HDGFL2: variants seen among roughly 807,000 people sequenced by gnomAD.
The protein encoded by HDGFL2 is hepatoma-derived growth factor-related protein 2.
In HDGFL2, 36 loss-of-function variants were observed where a neutral mutation model predicts 77.1. The observed-to-expected ratio is 0.47, with a 90% CI of 0.36 to 0.62. The LOEUF is 0.62. HDGFL2 is among the 20% of genes least tolerant of loss of function. The pLI is 0.00. For synonymous variants in HDGFL2, 463 were observed against 413.1 expected (o/e 1.12, Z -1.46); for missense variants, 976 against 973.4 (o/e 1.00, Z -0.04).
chr19:4,489,378 C>T (rs1599713075), intron 4 of HDGFL2, among the ~76,000 whole-genome samples: 1 of 151,850 alleles, frequency 6.6e-6, no homozygotes, highest in African/African-American at 2.4e-5. Context: ...TGAGCCTCCC[C>T]AGTAGCTGGG....
Position 4,501,189 on chromosome 19 carries a change from A to G in HDGFL2, c.1790-2A>G. The stretch of plus-strand genomic sequence containing the variant: ...GTCCTGTGACCCCTCTGTCCCACCC[A>G]GATCTCTCAGCCCCAGTGAATGGCG... On this transcript the variant is annotated splice_acceptor_variant, in intron 14 of 15. Transcript: ENST00000616600. LOFTEE classifies it high-confidence loss of function. 6.2e-7 allele frequency: 1 copy of G among 1,613,246 alleles called. No individual in the cohort carries two copies. Among genetic ancestry groups the G allele is most frequent in the East Asian group, 2.2e-5 (1 of 44,868 alleles).
In HDGFL2 at chr19:4,496,367, G is replaced by A. The variant is rs377700367; in HGVS notation, c.1290G>A (p.Lys430=). Residue 430 remains lysine (K), a synonymous_variant, in exon 10 of 16, where the codon AAG becomes AAA. Transcript: ENST00000616600. ...STEPARKPGQ[K]EKRVRPEEKQ... is the part of the protein sequence containing the mutation. ...AGCCCGCCAGGAAACCTGGCCAGAA[G>A]GAGAAGAGAGTGCGGCCCGAGGAGA... 1.9e-6 allele frequency: 3 copies of A among 1,613,918 alleles called. No homozygotes were observed. The highest frequency in any genetic ancestry group is 2.7e-5 in the African/African-American group (2 of 74,940).
intron 4 of HDGFL2, among the ~76,000 whole-genome samples, 198 bp downstream of exon 4, chr19:4,489,074 C>G (rs1975439859): frequency 1.3e-5 from 2 of 151,696 alleles, no homozygotes; most frequent in Non-Finnish European, 2.9e-5. Flanking sequence ...CTGCCTCAGC[C>G]TCCCTAGTAG....
At chr19:4,483,440 C>T (rs1319124956) in intron 3 of HDGFL2, among the ~76,000 whole-genome samples, 1 of 152,208 alleles carries the variant, frequency 6.6e-6, no homozygotes, top group Non-Finnish European at 1.5e-5. Context: ...CCTCCTGGCC[C>T]CCCCTCTTGA....
At position 4,494,161 on chromosome 19, in the gene HDGFL2, T is replaced by A; in HGVS notation, c.915-5T>A. On this transcript the variant is annotated splice_polypyrimidine_tract_variant and splice_region_variant and intron_variant, in intron 8 of 15. Transcript: ENST00000616600. ...GAGGTCCCCAACCGCCCCCTCCGCCTCCAGTGACAGCGACGAGGTGGACCG... is the reference window on the plus strand; with the variant it reads ...GAGGTCCCCAACCGCCCCCTCCGCCACCAGTGACAGCGACGAGGTGGACCG... The A allele has an allele frequency of 6.7e-7, 1 of 1,491,826 alleles. No individual in the cohort carries two copies. Among genetic ancestry groups the A allele is most frequent in the South Asian group, 1.3e-5 (1 of 75,350 alleles). 92.4% of individuals were successfully genotyped at this position (1,491,826 alleles called of 1,614,324 possible).
At chr19:4,491,901 T>G in intron 6 of HDGFL2, 66 bp downstream of exon 6, 1 of 1,419,622 alleles carries the variant, frequency 7.0e-7, no homozygotes, top group Non-Finnish European at 9.9e-7. Context: ...TCCAGTGCTG[T>G]CCCCAGGGCA....
In HDGFL2 at chr19:4,494,066, T is replaced by C. The variant is rs780332474; in HGVS notation, c.914+9T>C. 6.3e-7 allele frequency: 1 copy of C among 1,594,718 alleles called. No homozygotes were observed. The highest frequency in any genetic ancestry group is 1.7e-5 in the Admixed American group (1 of 57,670). Reference sequence around the variant, plus strand: ...AGCTCCAGCAGTGACAGGTGGGTGCTGGGGCTGGGGTCCCCTCTGGCGGCT... The same window carrying C: ...AGCTCCAGCAGTGACAGGTGGGTGCCGGGGCTGGGGTCCCCTCTGGCGGCT... On this transcript the variant is annotated intron_variant, in intron 8 of 15. Coordinates refer to ENST00000616600, the MANE Select transcript of HDGFL2 (RefSeq NM_001001520.3).
At chr19:4,492,057 G>A (rs1568212352) in intron 6 of HDGFL2, among the ~76,000 whole-genome samples, 1 of 152,188 alleles carries the variant, frequency 6.6e-6, no homozygotes, top group Admixed American at 6.5e-5. Flanking sequence ...TGGGATGCTG[G>A]CATCAGAAGG....
intron 12 of HDGFL2, among the ~76,000 whole-genome samples, 194 bp from the exon 13 acceptor site, chr19:4,498,620 A>G (rs1975772019): frequency 2.0e-5 from 3 of 151,854 alleles, no homozygotes; most frequent in Admixed American, 2.0e-4. Context: ...ACCAACCCCC[A>G]CGTACCTGGG....
chr19:4,492,952 G>A (rs1568213024), intron 6 of HDGFL2, among the ~76,000 whole-genome samples: 1 of 129,810 alleles, frequency 7.7e-6, no homozygotes, highest in Non-Finnish European at 1.7e-5. Flanking sequence ...TGTGTGTGGT[G>A]CGTGTGAGTT....
chr19:4,488,795 C>T lies in HDGFL2; in HGVS notation c.408C>T (p.Ala136=). 6.4e-7 allele frequency: 1 copy of T among 1,551,960 alleles called. No individual in the cohort carries two copies. Among genetic ancestry groups the T allele is most frequent in the Non-Finnish European group, 8.7e-7 (1 of 1,147,218 alleles). The change falls in exon 4 of 16, where the codon GCC becomes GCT. Residue 136 remains alanine (A), a synonymous_variant. Transcript: ENST00000616600. ...TCACAGCGGTAACCGCCACAGCTGC[C>T]AGCGACAGGATGGAGAGCGACTCAG... ...MAVTAVTATA[A]SDRMESDSDS...
rs778099119 is a variant in HDGFL2 at position 4,493,807 on chromosome 19, C to G, written c.783C>G (p.Ser261=). The G allele has an allele frequency of 5.8e-6, 9 of 1,540,670 alleles. No homozygotes were observed. The South Asian group carries it at 8.4e-5, about 14-fold the overall frequency. The change falls in exon 7 of 16, where the codon TCC becomes TCG. Residue 261 remains serine, a synonymous_variant. Coordinates refer to ENST00000616600, the MANE Select transcript of HDGFL2 (RefSeq NM_001001520.3). ...ARSASSSSSS[S]SSSDSDVSVK... is the part of the protein sequence containing the mutation. ...CGGCGTCCTCCTCCTCCTCTTCCTCCTCCTCCTCCGACTCCGATGTGTCTG... is the reference window on the plus strand; with the variant it reads ...CGGCGTCCTCCTCCTCCTCTTCCTCGTCCTCCTCCGACTCCGATGTGTCTG...
At chr19:4,496,445 C>T (rs530706760) in intron 10 of HDGFL2, 40 bp downstream of exon 10, 4 of 1,425,802 alleles carry the variant, frequency 2.8e-6, no homozygotes, top group South Asian at 2.3e-5. Context: ...GGGGGCCCCG[C>T]ACCCCGCATC....
chr19:4,498,635 C>G (rs1333399010), intron 12 of HDGFL2, among the ~76,000 whole-genome samples, 179 bp from the exon 13 acceptor site: 1 of 152,122 alleles, frequency 6.6e-6, no homozygotes, highest in South Asian at 2.1e-4. Flanking sequence ...CCTGGGACCC[C>G]AAGTATCTGG....
At chr19:4,485,488 C>T (rs1187674960) in intron 3 of HDGFL2, among the ~76,000 whole-genome samples, 2 of 152,026 alleles carry the variant, frequency 1.3e-5, no homozygotes, top group African/African-American at 4.8e-5. Context: ...CCTGTAATCT[C>T]AGCACTTTGG....
chr19:4,488,273 G>T (rs1343977769), intron 3 of HDGFL2, among the ~76,000 whole-genome samples: 1 of 152,142 alleles, frequency 6.6e-6, no homozygotes, highest in Non-Finnish European at 1.5e-5. Context: ...GCCCGGCCAG[G>T]GCAGCCATTT....
intron 4 of HDGFL2, among the ~76,000 whole-genome samples, chr19:4,490,263 T>C (rs1975472930): frequency 1.3e-5 from 2 of 152,140 alleles, no homozygotes; most frequent in Non-Finnish European, 2.9e-5. Flanking sequence ...AATTTTGTGT[T>C]TTTGGTAGAG....
At position 4,499,343 on chromosome 19, in the gene HDGFL2, C is replaced by G. The variant is rs1294294182; in HGVS notation, c.1576-148C>G. ...CCTGGGTGACAGGGCGAGACTCTGT[C>G]TCAAAAAAAAAAAAAGAAATGCCTG... is the stretch of plus-strand genomic sequence containing the variant. On this transcript the variant is annotated intron_variant, in intron 13 of 15. Coordinates refer to ENST00000616600, the MANE Select transcript of HDGFL2 (RefSeq NM_001001520.3). 169 of 613,892 alleles carry G rather than the reference C, an allele frequency of 2.8e-4. 1 individual carries two copies. The highest frequency in any genetic ancestry group is 1.2e-3 in the Admixed American group (33 of 28,142). The allele number at this position is 613,892 out of a possible 1,614,324, so 38.0% of individuals were successfully genotyped here. A position where few individuals can be genotyped will look rare whatever the true frequency, so the allele number is the denominator to read the frequency against.
At chr19:4,496,278 G>T (rs1208971014) in intron 9 of HDGFL2, 24 bp from the exon 10 acceptor site, 4 of 1,600,920 alleles carry the variant, frequency 2.5e-6, no homozygotes, top group Non-Finnish European at 1.7e-6. Context: ...CACTGCTCCA[G>T]CGCGCCCTTC....
Sources: gnomAD v4.1 joint callset for allele counts (sites outside exome capture counted in the v4.1 genomes callset) on GRCh38, gnomAD v4.1.1 for gene constraint, MANE v1.5 for transcripts, NCBI Gene and HGNC (gene_info 2026-07-23, HGNC 2026-07-21) for gene names.